Variants in PCDH17 observed in about 807,000 individuals in gnomAD.
PCDH17 encodes the protein protocadherin 17, also known as protocadherin-17.
PCDH17 carries 21 observed loss-of-function variants against 67.7 expected under a neutral mutation model. The ratio of observed to expected loss-of-function variants is 0.31; its 90% confidence interval spans 0.22 to 0.45. The LOEUF is 0.45. Among genes scored for constraint, PCDH17 ranks in the 20% least tolerant of loss-of-function variants. The probability of loss-of-function intolerance (pLI) is 1.00; values close to 1 mark genes in which losing one functional copy is unlikely to be tolerated. For missense variants in PCDH17, 1,471 were observed against 1,564.8 expected, an observed-to-expected ratio of 0.94 and a Z score of 1.01; for synonymous variants, 701 against 656.7, an observed-to-expected ratio of 1.07 and a Z score of -1.03.
chr13:57,646,979 T>C (rs1954973544), intron 1 of PCDH17, among the ~76,000 whole-genome samples: 1 of 151,844 alleles, frequency 6.6e-6, no homozygotes, highest in South Asian at 2.1e-4. Context: ...AGGAACAAGT[T>C]TTCTCTTAGA....
chr13:57,713,862 T>C (rs1305094579), intron 3 of PCDH17, among the ~76,000 whole-genome samples: 2 of 151,592 alleles, frequency 1.3e-5, no homozygotes, highest in African/African-American at 4.8e-5. Flanking sequence ...TCTCACTCAT[T>C]TGAATCTTTA....
In PCDH17 at chr13:57,700,405, G is replaced by A. The variant is rs555581419; in HGVS notation, c.2798-24207G>A. 4.0e-5 allele frequency among the ~76,000 whole-genome samples: 6 copies of A among 148,198 alleles called. No homozygotes were observed. The East Asian group carries it at 1.2e-3, about 30-fold the overall frequency. ...GTGATCTTGGCTCACTGCAACCACTGCCTCCCGGCTACAAGCGATTCTCCT... is the reference window on the plus strand; with the variant it reads ...GTGATCTTGGCTCACTGCAACCACTACCTCCCGGCTACAAGCGATTCTCCT... On this transcript the variant is annotated intron_variant, in intron 3 of 3. Transcript: ENST00000377918.
At chr13:57,695,427 GAA>G (rs1955597827) in intron 3 of PCDH17, among the ~76,000 whole-genome samples, 2 of 149,714 alleles carry the variant, frequency 1.3e-5, no homozygotes, top group Non-Finnish European at 3.0e-5. Context: ...ATGAGAGAAA[GAA>G]AGAAAGAAAG....
chr13:57,645,955 A>G (rs1954960402), intron 1 of PCDH17, among the ~76,000 whole-genome samples: 1 of 151,474 alleles, frequency 6.6e-6, no homozygotes, highest in Admixed American at 6.6e-5. Flanking sequence ...ATTTGTGGAA[A>G]TGCTCCATAA....
At chr13:57,701,365 C>A (rs892608552) in intron 3 of PCDH17, among the ~76,000 whole-genome samples, 2 of 152,030 alleles carry the variant, frequency 1.3e-5, no homozygotes, top group Admixed American at 6.6e-5. Context: ...AGATACTGTT[C>A]TAAAATTTGT....
chr13:57,714,353 G>C (rs1047236962), intron 3 of PCDH17, among the ~76,000 whole-genome samples: 2 of 151,662 alleles, frequency 1.3e-5, no homozygotes. Context: ...AGACTCTCTT[G>C]CTTGCTTCTT....
chr13:57,696,524 C>T (rs58268380), intron 3 of PCDH17, among the ~76,000 whole-genome samples: 9,632 of 150,846 alleles, frequency 0.064, 335 homozygotes, highest in Middle Eastern at 0.092. Context: ...ATATACTGTT[C>T]GCAAAAAAAA....
intron 1 of PCDH17, among the ~76,000 whole-genome samples, chr13:57,654,540 G>A (rs995794858): frequency 1.4e-4 from 22 of 151,876 alleles, no homozygotes; most frequent in African/African-American, 4.8e-4. Context: ...TGAAATGATC[G>A]TCATTAAGTA....
chr13:57,650,218 TTGTGTGTGTGTGTGTGTGTGTG>T (rs67398023), intron 1 of PCDH17, among the ~76,000 whole-genome samples: 2 of 137,478 alleles, frequency 1.5e-5, no homozygotes, highest in Non-Finnish European at 3.1e-5. Context: ...GGACCCTTGA[TTGTGTGTGTGTGTGTGTGTGTG>T]TGTGTGTGTG....
In PCDH17 at chr13:57,728,868, G is replaced by A. The variant is rs1955933239; in HGVS notation, c.*3574G>A. On this transcript the variant is annotated 3_prime_UTR_variant, in exon 4 of 4. Coordinates refer to ENST00000377918, the MANE Select transcript of PCDH17 (RefSeq NM_001040429.3). ...CATAAAAAAGTCATGTAGTAATAGAGCATATGCTTTTTTAGAACCAGGTTA... is the reference window on the plus strand; with the variant it reads ...CATAAAAAAGTCATGTAGTAATAGAACATATGCTTTTTTAGAACCAGGTTA... The A allele has an allele frequency of 6.6e-6, 1 of 152,262 alleles. No homozygotes were observed. Among genetic ancestry groups the A allele is most frequent in the Non-Finnish European group, 1.5e-5 (1 of 67,966 alleles). 9.4% of individuals were successfully genotyped at this position (152,262 alleles called of 1,614,324 possible).
intron 3 of PCDH17, among the ~76,000 whole-genome samples, chr13:57,716,240 C>G (rs1385450214): frequency 6.6e-6 from 1 of 152,032 alleles, no homozygotes; most frequent in Non-Finnish European, 1.5e-5. Flanking sequence ...ATTCAAGAAT[C>G]TTTGAGACAT....
Position 57,634,875 on chromosome 13 carries a change from A to T in PCDH17, c.2329A>T (p.Arg777Trp). The T allele has an allele frequency of 6.2e-7, 1 of 1,614,048 alleles. No homozygotes were observed. Among genetic ancestry groups the T allele is most frequent in the Non-Finnish European group, 8.5e-7 (1 of 1,180,012 alleles). ...GCTGGTGCAGAGCGAAGTGGAGGAG[A>T]GGAACGCCATGAACGTCATGAACGT... ...IMLVQSEVEE[R>W]NAMNVMNVVS... Residue 777 changes from arginine to tryptophan, a missense_variant, in exon 1 of 4, where the codon AGG (arginine) becomes TGG (tryptophan). By Grantham distance (101) the Arg-to-Trp change is moderately radical. Transcript: ENST00000377918. This position sits in a 1 kb window ranked among gnomAD's most constrained non-coding sequence, Gnocchi z 7.8.
At chr13:57,715,904 AAG>A (rs1299072792) in intron 3 of PCDH17, among the ~76,000 whole-genome samples, 2 of 152,038 alleles carry the variant, frequency 1.3e-5, no homozygotes, top group Admixed American at 6.6e-5. Flanking sequence ...ATGTAGGAAA[AAG>A]AAATATTTTT....
At chr13:57,635,187 G>C in intron 1 of PCDH17, 76 bp downstream of exon 1, 18 of 1,435,586 alleles carry the variant, frequency 1.3e-5, no homozygotes, top group Middle Eastern at 2.0e-4. Flanking sequence ...TTGGAACAGG[G>C]CAAGCCACTC....
rs1955932780 is a variant in PCDH17, at chr13:57,728,772, T to G, written c.*3478T>G. On this transcript the variant is annotated 3_prime_UTR_variant, in exon 4 of 4. Coordinates refer to ENST00000377918, the MANE Select transcript of PCDH17 (RefSeq NM_001040429.3). ...AACTAACTTGTTTTGTTTTCCAAAATTAGCTGAAATCTTGTAAAACATGAC... is the reference window on the plus strand; with the variant it reads ...AACTAACTTGTTTTGTTTTCCAAAAGTAGCTGAAATCTTGTAAAACATGAC... 1 of 152,144 alleles carries G rather than the reference T, an allele frequency of 6.6e-6. No homozygotes were observed. Among genetic ancestry groups the G allele is most frequent in the Admixed American group, 6.5e-5 (1 of 15,274 alleles). The allele number at this position is 152,144 out of a possible 1,614,324, so 9.4% of individuals were successfully genotyped here.
upstream of PCDH17, among the ~76,000 whole-genome samples, chr13:57,630,566 AAAAATAAAC>A (rs1304491829): frequency 6.6e-6 from 1 of 152,166 alleles, no homozygotes; most frequent in East Asian, 1.9e-4. Context: ...AAGGTTTAAA[AAAAATAAAC>A]AAAATAAATA....
Position 57,633,760 on chromosome 13 carries a change from G to C in PCDH17, c.1214G>C (p.Gly405Ala). Residue 405 changes from glycine to alanine, a missense_variant, in exon 1 of 4, where the codon GGG becomes GCG. Around this residue, in one of 3 missense-constraint regions of PCDH17, gnomAD observed 1,163 missense variants for 1,230.0 expected, o/e 0.95. Coordinates refer to ENST00000377918, the MANE Select transcript of PCDH17 (RefSeq NM_001040429.3). The surrounding 1 kb of genome is among the most constrained non-coding windows in gnomAD (Gnocchi z 6.2). The part of the protein sequence containing the change: ...GGTGGGGGLG[G>A]PGGSVPFKLE... ...ACGGGCGGCGGCGGGGGCCTGGGCG[G>C]GCCCGGGGGTTCCGTCCCCTTCAAG... 6.3e-7 allele frequency: 1 copy of C among 1,590,360 alleles called. No individual in the cohort carries two copies. Among genetic ancestry groups the C allele is most frequent in the Non-Finnish European group, 8.5e-7 (1 of 1,172,894 alleles).
intron 3 of PCDH17, among the ~76,000 whole-genome samples, chr13:57,710,396 A>G (rs748042735): frequency 5.9e-5 from 9 of 151,948 alleles, no homozygotes; most frequent in Non-Finnish European, 1.2e-4. Context: ...CCAAAATTAT[A>G]TAAATTATAA....
rs187614861 is a variant in PCDH17 at position 57,704,826 on chromosome 13, T to C, written c.2798-19786T>C. On this transcript the variant is annotated intron_variant, in intron 3 of 3. Coordinates refer to ENST00000377918, the MANE Select transcript of PCDH17 (RefSeq NM_001040429.3). Reference sequence around the variant, plus strand: ...TCACACACCATTAGGTTTAATCACTTTGAGGTATGTTATGTAACTTGGATA... The same window carrying C: ...TCACACACCATTAGGTTTAATCACTCTGAGGTATGTTATGTAACTTGGATA... Among the ~76,000 whole-genome samples, 24 of 152,230 alleles carry C rather than the reference T, an allele frequency of 1.6e-4. No individual in the cohort carries two copies. In the East Asian group the frequency reaches 4.4e-3, roughly 28 times the overall value.
Sources: allele counts gnomAD v4.1 joint callset (sites outside exome capture counted in the v4.1 genomes callset), GRCh38; gene constraint gnomAD v4.1.1; regional missense constraint gnomAD v4.1.1; non-coding constraint Gnocchi (gnomAD v3.1); transcripts MANE v1.5; gene names NCBI Gene and HGNC (gene_info 2026-07-23, HGNC 2026-07-21).